GNG2: variants seen among roughly 807,000 people sequenced by gnomAD.
The protein encoded by GNG2 is guanine nucleotide-binding protein G(I)/G(S)/G(O) subunit gamma-2.
Under a neutral mutation model 5.5 loss-of-function variants are expected in GNG2, and 5 were observed. The observed-to-expected ratio is 0.91, with a 90% CI of 0.48 to 1.92. The LOEUF (loss-of-function observed/expected upper bound fraction) is 1.92, where lower values mean the gene tolerates loss of function less well. GNG2 is among the 30% of genes most tolerant of loss of function. GNG2 has a pLI of 0.01. For missense variants in GNG2, 55 were observed against 88.4 expected (o/e 0.62, Z 1.52); for synonymous variants, 28 against 32.0 (o/e 0.88, Z 0.42).
intron 2 of GNG2, among the ~76,000 whole-genome samples, chr14:51,835,435 C>G (rs1320438504): frequency 6.6e-6 from 1 of 152,184 alleles, no homozygotes; most frequent in African/African-American, 2.4e-5. Flanking sequence ...CAAGGCTATA[C>G]AGATAAATAA....
At chr14:51,936,531 A>T (rs1388084982) in intron 2 of GNG2, among the ~76,000 whole-genome samples, 7 of 108,432 alleles carry the variant, frequency 6.5e-5, no homozygotes, top group Non-Finnish European at 7.8e-5. Context: ...TTTTTTTTTT[A>T]CTCCATTGAT....
chr14:51,885,483 T>A lies in GNG2; in HGVS notation c.-30+7826T>A, dbSNP rs529167140. On this transcript the variant is annotated intron_variant, in intron 2 of 3. Transcript: ENST00000556766. The stretch of plus-strand genomic sequence containing the variant: ...TTTGAGACCTTCTTTCAAATACTCT[T>A]TTAAGTTCTAATCAATACCCATAAT... 9.2e-5 allele frequency among the ~76,000 whole-genome samples: 14 copies of A among 152,158 alleles called. No homozygotes were observed. In the South Asian group the frequency reaches 2.3e-3, roughly 25 times the overall value.
chr14:51,922,611 C>T (rs1887082388), intron 2 of GNG2, among the ~76,000 whole-genome samples: 1 of 152,322 alleles, frequency 6.6e-6, no homozygotes, highest in African/African-American at 2.4e-5. Context: ...CATTGCCCCT[C>T]CTTTGTCCCT....
intron 3 of GNG2, among the ~76,000 whole-genome samples, chr14:51,954,797 C>T (rs1889186713): frequency 6.6e-6 from 1 of 152,160 alleles, no homozygotes; most frequent in Admixed American, 6.5e-5. Flanking sequence ...CCCAGGATCA[C>T]AACTCATAGT....
intron 1 of GNG2, among the ~76,000 whole-genome samples, chr14:51,874,788 A>G (rs1012003930): frequency 6.6e-6 from 1 of 152,116 alleles, no homozygotes; most frequent in Non-Finnish European, 1.5e-5. Context: ...TGCATTGACT[A>G]AAGTTTTACT....
intron 1 of GNG2, among the ~76,000 whole-genome samples, chr14:51,862,413 T>TAGAGAAG (rs1186138084): frequency 6.6e-6 from 1 of 152,218 alleles, no homozygotes; most frequent in African/African-American, 2.4e-5. Flanking sequence ...ATCATCTTCT[T>TAGAGAAG]AGAGAAGAGA....
chr14:51,840,145 T>C (rs1881444275), intron 2 of GNG2, among the ~76,000 whole-genome samples: 1 of 152,236 alleles, frequency 6.6e-6, no homozygotes, highest in Non-Finnish European at 1.5e-5. Flanking sequence ...CTGCTCCACC[T>C]GGGTAGCTCC....
intron 2 of GNG2, among the ~76,000 whole-genome samples, chr14:51,878,451 C>T (rs928399639): frequency 1.3e-5 from 2 of 152,156 alleles, no homozygotes; most frequent in Admixed American, 6.5e-5. Context: ...TCTCTTCTTT[C>T]CCCATTGGAT....
At chr14:51,924,251 T>C (rs1887185798) in intron 2 of GNG2, among the ~76,000 whole-genome samples, 1 of 152,042 alleles carries the variant, frequency 6.6e-6, no homozygotes, top group African/African-American at 2.4e-5. Context: ...CACCTAAATA[T>C]CACAGAATAG....
intron 3 of GNG2, among the ~76,000 whole-genome samples, chr14:51,958,447 C>CCA (rs1555358465): frequency 6.9e-6 from 1 of 145,466 alleles, no homozygotes; most frequent in Non-Finnish European, 1.5e-5. Flanking sequence ...GTTCCCCCCC[C>CCA]CCATTTATAT....
intron 2 of GNG2, among the ~76,000 whole-genome samples, chr14:51,882,346 C>A (rs1441024517): frequency 2.6e-5 from 4 of 152,182 alleles, no homozygotes; most frequent in African/African-American, 7.2e-5. Flanking sequence ...TTTCCTCCTA[C>A]CTTCAAATTC....
chr14:51,831,154 C>G (rs186731560), intron 2 of GNG2, among the ~76,000 whole-genome samples: 15 of 152,340 alleles, frequency 9.8e-5, no homozygotes, highest in Admixed American at 3.3e-4. Flanking sequence ...TTAACTCCAA[C>G]AGTTTTAATG....
intron 3 of GNG2, among the ~76,000 whole-genome samples, chr14:51,963,968 T>C (rs1218067517): frequency 1.3e-5 from 2 of 152,236 alleles, no homozygotes; most frequent in African/African-American, 4.8e-5. Context: ...CTAAAATTTA[T>C]GCCCACCTGG....
intron 3 of GNG2, among the ~76,000 whole-genome samples, chr14:51,953,998 A>G (rs1406672596): frequency 1.3e-5 from 2 of 152,198 alleles, no homozygotes; most frequent in African/African-American, 4.8e-5. Flanking sequence ...GGATTTGGGG[A>G]CACAGCTGGA....
At chr14:51,964,278 G>A (rs1889776073) in intron 3 of GNG2, among the ~76,000 whole-genome samples, 1 of 152,222 alleles carries the variant, frequency 6.6e-6, no homozygotes, top group Non-Finnish European at 1.5e-5. Context: ...GACCAACCAA[G>A]CTGATGCCTT....
At chr14:51,867,091 G>C (rs1307181482) in intron 1 of GNG2, among the ~76,000 whole-genome samples, 1 of 152,132 alleles carries the variant, frequency 6.6e-6, no homozygotes, top group Non-Finnish European at 1.5e-5. Context: ...TAATTAAGAA[G>C]TAGATGAAAC....
chr14:51,957,355 A>AT (rs1029306265), intron 3 of GNG2, among the ~76,000 whole-genome samples: 1 of 152,088 alleles, frequency 6.6e-6, no homozygotes, highest in African/African-American at 2.4e-5. Flanking sequence ...AATTGTTTAC[A>AT]TTTTTTGCAG....
chr14:51,955,520 G>A (rs1238486435), intron 3 of GNG2, among the ~76,000 whole-genome samples: 4 of 152,120 alleles, frequency 2.6e-5, no homozygotes, highest in African/African-American at 7.2e-5. Flanking sequence ...GGGTACACAA[G>A]CATTTTGTAA....
At chr14:51,930,589 GA>G (rs1365157412) in intron 2 of GNG2, among the ~76,000 whole-genome samples, 1 of 152,290 alleles carries the variant, frequency 6.6e-6, no homozygotes, top group East Asian at 1.9e-4. Flanking sequence ...CTCCAAAACA[GA>G]AAGATACAAT....
Sources: allele counts gnomAD v4.1 joint callset (sites outside exome capture counted in the v4.1 genomes callset), GRCh38; gene constraint gnomAD v4.1.1; transcripts MANE v1.5; gene names NCBI Gene and HGNC (gene_info 2026-07-23, HGNC 2026-07-21).